The following GALNTL6 variants were observed in gnomAD, a reference collection of about 807,000 sequenced individuals.
GALNTL6 encodes the protein polypeptide N-acetylgalactosaminyltransferase-like 6.
GALNTL6 carries 46 observed loss-of-function variants against 73.7 expected under a neutral mutation model. That is an observed-to-expected ratio of 0.62 (90% CI 0.49 to 0.80). The LOEUF is 0.80. Among genes scored for constraint, GALNTL6 ranks in the 30% least tolerant of loss-of-function variants. GALNTL6 has a pLI of 0.00. For synonymous variants in GALNTL6, 259 were observed against 263.7 expected (o/e 0.98, Z 0.17); for missense variants, 604 against 755.0 (o/e 0.80, Z 2.34).
At chr4:172,461,401 T>A (rs533044440) in intron 5 of GALNTL6, among the ~76,000 whole-genome samples, 1 of 152,248 alleles carries the variant, frequency 6.6e-6, no homozygotes, top group African/African-American at 2.4e-5. Flanking sequence ...GGAAGATAAA[T>A]TTTATAGCTA....
chr4:172,562,111 CA>C (rs1228549475), intron 5 of GALNTL6, among the ~76,000 whole-genome samples: 2 of 152,056 alleles, frequency 1.3e-5, no homozygotes, highest in African/African-American at 4.8e-5. Context: ...AAAAAGAAGA[CA>C]AATGTGAAGC....
chr4:172,372,502 C>T (rs745736414), intron 5 of GALNTL6, among the ~76,000 whole-genome samples: 26 of 152,282 alleles, frequency 1.7e-4, no homozygotes, highest in East Asian at 5.8e-4. Flanking sequence ...CACAACTACC[C>T]GTAAAACAGT....
intron 7 of GALNTL6, among the ~76,000 whole-genome samples, chr4:172,822,314 T>C (rs1425200229): frequency 6.6e-6 from 1 of 152,124 alleles, no homozygotes; most frequent in African/African-American, 2.4e-5. Context: ...ACCACTTTTT[T>C]TCTCACTGCG....
At chr4:172,217,047 G>A (rs566892711) in intron 2 of GALNTL6, among the ~76,000 whole-genome samples, 2 of 152,274 alleles carry the variant, frequency 1.3e-5, no homozygotes, top group East Asian at 1.9e-4. Context: ...AAAGATTGCT[G>A]AGACCAGGAG....
intron 3 of GALNTL6, among the ~76,000 whole-genome samples, chr4:172,267,784 T>C (rs1422903450): frequency 6.6e-6 from 1 of 152,152 alleles, no homozygotes; most frequent in East Asian, 1.9e-4. Flanking sequence ...TTTTCTCCTA[T>C]GTGTAGCCTT....
At chr4:172,423,242 A>C (rs1731112179) in intron 5 of GALNTL6, among the ~76,000 whole-genome samples, 1 of 152,042 alleles carries the variant, frequency 6.6e-6, no homozygotes, top group African/African-American at 2.4e-5. Flanking sequence ...TAGTAGCCAA[A>C]GTGGTTCTTT....
chr4:172,684,694 C>A lies in GALNTL6; in HGVS notation c.554-124667C>A, dbSNP rs141617867. ...GACTGAACATGGAAAAGAGATGAAC[C>A]TTTGGTGGCTCACTGGGAGTGGAAT... On this transcript the variant is annotated intron_variant, in intron 5 of 12. Coordinates refer to ENST00000506823, the MANE Select transcript of GALNTL6 (RefSeq NM_001034845.3). Among the ~76,000 whole-genome samples, 7 of 152,210 alleles carry A rather than the reference C, an allele frequency of 4.6e-5. No individual in the cohort carries two copies. In the East Asian group the frequency reaches 1.4e-3, roughly 29 times the overall value.
At chr4:172,975,793 G>A (rs944261011) in intron 10 of GALNTL6, among the ~76,000 whole-genome samples, 3 of 152,180 alleles carry the variant, frequency 2.0e-5, no homozygotes, top group Non-Finnish European at 4.4e-5. Context: ...CACACACCCA[G>A]CCAGGTCACA....
chr4:172,002,364 A>G (rs1740700244), intron 2 of GALNTL6, among the ~76,000 whole-genome samples: 1 of 152,136 alleles, frequency 6.6e-6, no homozygotes, highest in African/African-American at 2.4e-5. Flanking sequence ...TAGTGAGCAC[A>G]GAGTGAAAAG....
intron 5 of GALNTL6, among the ~76,000 whole-genome samples, chr4:172,642,145 A>G (rs1740015062): frequency 6.6e-6 from 1 of 152,032 alleles, no homozygotes; most frequent in South Asian, 2.1e-4. Flanking sequence ...AATTAGTACA[A>G]CCATTGTAGA....
chr4:172,951,942 T>C, intron 9 of GALNTL6, 95 bp from the exon 10 acceptor site: 1 of 1,029,970 alleles, frequency 9.7e-7, no homozygotes, highest in Non-Finnish European at 1.4e-6. Context: ...GTTGCCGCTA[T>C]CTTTTCCTTT....
intron 2 of GALNTL6, among the ~76,000 whole-genome samples, chr4:171,919,470 C>T (rs968986638): frequency 1.3e-5 from 2 of 151,992 alleles, no homozygotes; most frequent in African/African-American, 4.8e-5. Context: ...GCCCCAGTAC[C>T]AGAGCTAGAG....
intron 2 of GALNTL6, among the ~76,000 whole-genome samples, chr4:172,007,970 G>T (rs1048241625): frequency 1.3e-5 from 2 of 151,732 alleles, no homozygotes; most frequent in African/African-American, 4.8e-5. Flanking sequence ...CTGAACTGAG[G>T]TTCTTTTTTC....
chr4:171,868,264 C>G (rs750217983), intron 2 of GALNTL6, among the ~76,000 whole-genome samples: 2 of 152,172 alleles, frequency 1.3e-5, no homozygotes, highest in Non-Finnish European at 2.9e-5. Context: ...GCTGAGATTA[C>G]AAGTGTGAGC....
chr4:172,575,454 A>G (rs899643849), intron 5 of GALNTL6, among the ~76,000 whole-genome samples: 9 of 152,310 alleles, frequency 5.9e-5, no homozygotes, highest in Admixed American at 5.9e-4. Flanking sequence ...CCCTATTTAT[A>G]TAGAAGGGAA....
chr4:172,975,314 C>T (rs1209766542), intron 10 of GALNTL6, among the ~76,000 whole-genome samples: 2 of 152,178 alleles, frequency 1.3e-5, no homozygotes, highest in Non-Finnish European at 2.9e-5. Flanking sequence ...GAGTGGGCAG[C>T]TTCTATCTGC....
At chr4:172,688,976 C>A (rs1262706654) in intron 5 of GALNTL6, among the ~76,000 whole-genome samples, 1 of 29,360 alleles carries the variant, frequency 3.4e-5, no homozygotes, top group African/African-American at 1.3e-4. Context: ...AACCCAAAGT[C>A]AGCCACAATG....
intron 5 of GALNTL6, among the ~76,000 whole-genome samples, chr4:172,538,292 A>G (rs1174185128): frequency 2.0e-5 from 3 of 151,668 alleles, no homozygotes; most frequent in African/African-American, 4.8e-5. Context: ...AACCCTGTCT[A>G]TACTAAAAAT....
chr4:172,035,820 C>T (rs1472285073), intron 2 of GALNTL6, among the ~76,000 whole-genome samples: 1 of 152,112 alleles, frequency 6.6e-6, no homozygotes, highest in East Asian at 1.9e-4. Flanking sequence ...CAGTTGTCAA[C>T]TAGAGAAATG....
Sources: allele counts gnomAD v4.1 joint callset (sites outside exome capture counted in the v4.1 genomes callset), GRCh38; gene constraint gnomAD v4.1.1; transcripts MANE v1.5; gene names NCBI Gene and HGNC (gene_info 2026-07-23, HGNC 2026-07-21).